The following ASCC1 variants were observed in gnomAD, a reference collection of about 807,000 sequenced individuals.
The protein encoded by ASCC1 is ASC-1 complex subunit P50.
A neutral mutation model predicts 46.6 loss-of-function variants in ASCC1; 35 were observed. The ratio of observed to expected loss-of-function variants is 0.75; its 90% CI spans 0.57 to 0.99. The LOEUF is 0.99. ASCC1 is among the 50% of genes least tolerant of loss of function. ASCC1 has a pLI of 0.00. For synonymous variants in ASCC1, 143 were observed against 146.6 expected, an observed-to-expected ratio of 0.98 and a Z score of 0.18; for missense variants, 376 against 428.7, an observed-to-expected ratio of 0.88 and a Z score of 1.09.
intron 1 of ASCC1, among the ~76,000 whole-genome samples, chr10:72,214,833 A>G (rs1476573025): frequency 1.3e-5 from 2 of 152,234 alleles, no homozygotes; most frequent in Non-Finnish European, 2.9e-5. Flanking sequence ...TTAAAATAAC[A>G]ACTTAACCAA....
chr10:72,168,200 A>G (rs1307437553), intron 5 of ASCC1, among the ~76,000 whole-genome samples: 2 of 151,466 alleles, frequency 1.3e-5, no homozygotes, highest in Admixed American at 1.3e-4. Flanking sequence ...CAAATAAATA[A>G]ATAAATAAAT....
At chr10:72,173,540 T>G (rs1045783400) in intron 5 of ASCC1, among the ~76,000 whole-genome samples, 6 of 152,202 alleles carry the variant, frequency 3.9e-5, no homozygotes, top group African/African-American at 7.2e-5. Flanking sequence ...CAAATAATCC[T>G]TAACTCTACT....
At chr10:72,164,384 T>C (rs1223238892) in intron 5 of ASCC1, among the ~76,000 whole-genome samples, 1 of 152,242 alleles carries the variant, frequency 6.6e-6, no homozygotes, top group East Asian at 1.9e-4. Flanking sequence ...GAAAGGATCA[T>C]ACAATATAAG....
At position 72,152,891 on chromosome 10, in the gene ASCC1, G is replaced by A. The variant is rs1444711191; in HGVS notation, c.724C>T (p.His242Tyr). The A allele has an allele frequency of 6.2e-7, 1 of 1,614,098 alleles. No individual in the cohort carries two copies. Among genetic ancestry groups the A allele is most frequent in the South Asian group, 1.1e-5 (1 of 91,076 alleles). Residue 242 changes from histidine to tyrosine, a missense_variant, in exon 7 of 10, where the codon CAT becomes TAT. His to Tyr is a moderately conservative substitution (Grantham distance 83). Transcript: ENST00000672957. The stretch of plus-strand genomic sequence containing the variant: ...TACCTGTTGGAGCCATCTTTCATAT[G>A]GACTTTGGCGTAAAGAACATCCACC... ...GMVDVLYAKV[H>Y]MKDGSNRLQE...
chr10:72,184,905 T>C (rs889177397), intron 5 of ASCC1, among the ~76,000 whole-genome samples: 1 of 152,064 alleles, frequency 6.6e-6, no homozygotes, highest in Non-Finnish European at 1.5e-5. Flanking sequence ...TTATGTATAT[T>C]TCACCATAAA....
At chr10:72,187,500 C>A (rs1201054450) in intron 5 of ASCC1, among the ~76,000 whole-genome samples, 2 of 151,538 alleles carry the variant, frequency 1.3e-5, no homozygotes, top group African/African-American at 4.8e-5. Context: ...CCAGGCGGAT[C>A]ACGAGGTCAG....
intron 9 of ASCC1, among the ~76,000 whole-genome samples, chr10:72,098,277 G>T (rs544627927): frequency 6.6e-6 from 1 of 152,354 alleles, no homozygotes; most frequent in East Asian, 1.9e-4. Context: ...TGAATAAGGA[G>T]CGTCAAAGAG....
At chr10:72,197,082 G>T in intron 4 of ASCC1, 93 bp from the exon 5 acceptor site, 2 of 1,239,704 alleles carry the variant, frequency 1.6e-6, no homozygotes, top group Non-Finnish European at 2.4e-6. Flanking sequence ...AGGAGCTAAA[G>T]CAGTTCTGAA....
intron 5 of ASCC1, among the ~76,000 whole-genome samples, chr10:72,172,742 ATATAT>A (rs1000187335): frequency 3.0e-5 from 4 of 132,532 alleles, no homozygotes; most frequent in Admixed American, 8.8e-5. Flanking sequence ...TATATATTAC[ATATAT>A]TATATATTTT....
intron 7 of ASCC1, 72 bp from the exon 8 acceptor site, chr10:72,133,253 T>C: frequency 2.0e-6 from 3 of 1,504,140 alleles, no homozygotes; most frequent in Non-Finnish European, 2.8e-6. Flanking sequence ...AATTCAACAA[T>C]GTTTATGGAG....
chr10:72,127,259 T>C (rs1223615375), intron 9 of ASCC1, among the ~76,000 whole-genome samples: 2 of 152,256 alleles, frequency 1.3e-5, no homozygotes, highest in East Asian at 1.9e-4. Flanking sequence ...TATCAACTTA[T>C]GTTTCTCTTT....
intron 9 of ASCC1, among the ~76,000 whole-genome samples, chr10:72,122,913 T>C (rs775773843): frequency 3.9e-5 from 6 of 152,136 alleles, no homozygotes; most frequent in Non-Finnish European, 8.8e-5. Context: ...AGAGGGAAAT[T>C]TATAGTATTT....
chr10:72,144,556 G>A (rs1039898302), intron 7 of ASCC1, among the ~76,000 whole-genome samples: 1 of 151,482 alleles, frequency 6.6e-6, no homozygotes, highest in Non-Finnish European at 1.5e-5. Flanking sequence ...CATGCTTCTT[G>A]TCCCTTCTTG....
intron 7 of ASCC1, among the ~76,000 whole-genome samples, chr10:72,147,998 C>T (rs1273906080): frequency 6.6e-6 from 1 of 152,066 alleles, no homozygotes; most frequent in Non-Finnish European, 1.5e-5. Flanking sequence ...ATCTTTTTAA[C>T]GGGGATGACA....
intron 6 of ASCC1, among the ~76,000 whole-genome samples, chr10:72,158,720 T>C (rs530281850): frequency 2.0e-5 from 3 of 152,358 alleles, no homozygotes; most frequent in East Asian, 3.8e-4. Context: ...TTTATTTCAA[T>C]ACTCCCATTT....
intron 5 of ASCC1, among the ~76,000 whole-genome samples, chr10:72,172,779 T>C (rs1466657065): frequency 7.5e-6 from 1 of 132,672 alleles, no homozygotes; most frequent in Admixed American, 8.6e-5. Context: ...TTATATTTTT[T>C]ATATTATATA....
intron 8 of ASCC1, among the ~76,000 whole-genome samples, chr10:72,131,137 T>C (rs1436685483): frequency 6.6e-6 from 1 of 152,084 alleles, no homozygotes; most frequent in East Asian, 1.9e-4. Context: ...TATGCTCAAC[T>C]GGGCCGGGCG....
chr10:72,211,646 AC>A (rs140539939), intron 2 of ASCC1, among the ~76,000 whole-genome samples: 11,872 of 151,886 alleles, frequency 0.078, 1,226 homozygotes, highest in African/African-American at 0.23. Context: ...TCACAGTGAA[AC>A]CCCGTCTCTA....
chr10:72,160,810 T>A (rs1292795867), intron 6 of ASCC1, among the ~76,000 whole-genome samples: 3 of 145,642 alleles, frequency 2.1e-5, no homozygotes, highest in East Asian at 2.0e-4. Flanking sequence ...GAGGCCGGGC[T>A]TGGTTGCTCA....
Sources: gnomAD v4.1 joint callset for allele counts (sites outside exome capture counted in the v4.1 genomes callset) on GRCh38, gnomAD v4.1.1 for gene constraint, MANE v1.5 for transcripts, NCBI Gene and HGNC (gene_info 2026-07-23, HGNC 2026-07-21) for gene names.